PIP5K1C: variants seen among roughly 807,000 people sequenced by gnomAD.
PIP5K1C encodes the protein phosphatidylinositol-4-phosphate 5-kinase type 1 gamma, also known as phosphatidylinositol 4-phosphate 5-kinase type-1 gamma.
A neutral mutation model predicts 80.1 loss-of-function variants in PIP5K1C; 45 were observed. The ratio of observed to expected loss-of-function variants is 0.56; its 90% CI spans 0.44 to 0.72. The LOEUF (loss-of-function observed/expected upper bound fraction) is 0.72, where lower values mean the gene tolerates loss of function less well. PIP5K1C is among the 30% of genes least tolerant of loss of function. The pLI is 0.00. For missense variants in PIP5K1C, 753 were observed against 954.6 expected (o/e 0.79, Z 2.78); for synonymous variants, 498 against 420.1 (o/e 1.19, Z -2.27).
chr19:3,640,723 G>T (rs2033926632), intron 15 of PIP5K1C, among the ~76,000 whole-genome samples: 1 of 150,782 alleles, frequency 6.6e-6, no homozygotes, highest in South Asian at 2.1e-4. Flanking sequence ...GTCTTGCTCT[G>T]TCGCTTAGGA....
At chr19:3,638,057 A>G in intron 16 of PIP5K1C, 4 of 1,464,462 alleles carry the variant, frequency 2.7e-6, no homozygotes, top group Non-Finnish European at 3.6e-6. Flanking sequence ...AGGTGCCCCC[A>G]CAACAGGCCC....
chr19:3,679,342 G>A (rs999682943), intron 1 of PIP5K1C, among the ~76,000 whole-genome samples: 13 of 152,152 alleles, frequency 8.5e-5, no homozygotes, highest in Admixed American at 8.5e-4. Flanking sequence ...GGGGCCTTGC[G>A]CGTGCTGCGC....
At chr19:3,679,823 G>A (rs961908965) in intron 1 of PIP5K1C, among the ~76,000 whole-genome samples, 6 of 152,256 alleles carry the variant, frequency 3.9e-5, no homozygotes, top group African/African-American at 1.4e-4. Context: ...GTGGCTTGAC[G>A]TGCTGCGCTG....
At chr19:3,634,395 T>C (rs964546901) in intron 16 of PIP5K1C, among the ~76,000 whole-genome samples, 31 of 151,702 alleles carry the variant, frequency 2.0e-4, no homozygotes, top group African/African-American at 7.5e-4. Flanking sequence ...CTCCTCTCTC[T>C]CGGGCCTCTG....
chr19:3,667,653 C>T (rs1363513124), intron 1 of PIP5K1C, among the ~76,000 whole-genome samples: 2 of 152,190 alleles, frequency 1.3e-5, no homozygotes, highest in Admixed American at 6.5e-5. Context: ...GGCTTGGCAC[C>T]CACCACGGAG....
chr19:3,686,445 G>A (rs943958705), intron 1 of PIP5K1C, among the ~76,000 whole-genome samples: 2 of 151,334 alleles, frequency 1.3e-5, no homozygotes, highest in Admixed American at 1.3e-4. Context: ...AAGGCTGGGT[G>A]CAGTGGCTCA....
At chr19:3,676,071 T>C (rs543776178) in intron 1 of PIP5K1C, among the ~76,000 whole-genome samples, 3 of 152,220 alleles carry the variant, frequency 2.0e-5, no homozygotes, top group Non-Finnish European at 4.4e-5. Flanking sequence ...ACGGCTTCAT[T>C]TGACACATGG....
At chr19:3,653,612 C>A (rs563779429) in intron 6 of PIP5K1C, 23 bp from the exon 7 acceptor site, 2 of 1,594,782 alleles carry the variant, frequency 1.3e-6, no homozygotes, top group Non-Finnish European at 1.7e-6. Flanking sequence ...GAGGGCAAGT[C>A]GTGGAGGGCG....
At chr19:3,641,276 T>TA (rs200466191) in intron 15 of PIP5K1C, among the ~76,000 whole-genome samples, 9 of 151,232 alleles carry the variant, frequency 6.0e-5, no homozygotes, top group Non-Finnish European at 7.4e-5. Flanking sequence ...CTAAAAAGGT[T>TA]AAAAAAAAAT....
chr19:3,663,071 G>A (rs1341032328), intron 3 of PIP5K1C, among the ~76,000 whole-genome samples: 1 of 152,116 alleles, frequency 6.6e-6, no homozygotes, highest in African/African-American at 2.4e-5. Flanking sequence ...GCGCCATGTT[G>A]CCCAGGCTGG....
intron 1 of PIP5K1C, among the ~76,000 whole-genome samples, chr19:3,689,841 T>TC (rs915927604): frequency 1.6e-4 from 24 of 149,552 alleles, no homozygotes; most frequent in African/African-American, 4.2e-4. Flanking sequence ...TAACGTACAC[T>TC]CCCCCCCCAC....
chr19:3,659,254 G>T (rs2034747984), intron 5 of PIP5K1C, among the ~76,000 whole-genome samples: 2 of 152,238 alleles, frequency 1.3e-5, no homozygotes, highest in African/African-American at 4.8e-5. Context: ...AGCCTGGACA[G>T]AGGCTAGGGG....
At chr19:3,670,920 C>T (rs938577571) in intron 1 of PIP5K1C, among the ~76,000 whole-genome samples, 1 of 152,224 alleles carries the variant, frequency 6.6e-6, no homozygotes, top group East Asian at 1.9e-4. Context: ...CAGGGCCAGT[C>T]GCCCCCAGGT....
intron 7 of PIP5K1C, among the ~76,000 whole-genome samples, chr19:3,652,446 G>C (rs996450968): frequency 1.3e-5 from 2 of 152,228 alleles, no homozygotes; most frequent in African/African-American, 2.4e-5. Flanking sequence ...GAGTGGTCTG[G>C]GCGGTTTTCT....
At chr19:3,691,344 G>A (rs2035943519) in intron 1 of PIP5K1C, among the ~76,000 whole-genome samples, 1 of 152,190 alleles carries the variant, frequency 6.6e-6, no homozygotes, top group Non-Finnish European at 1.5e-5. Context: ...CGCTAATCTG[G>A]GGATGACGGC....
In PIP5K1C at chr19:3,637,010, C is replaced by T. The variant is rs770631391; in HGVS notation, c.1920+1874G>A. On this transcript the variant is annotated intron_variant, in intron 16 of 17. Coordinates refer to ENST00000335312, the MANE Select transcript of PIP5K1C (RefSeq NM_012398.3). The surrounding 1 kb of genome is among the most constrained non-coding windows in gnomAD (Gnocchi z 7.0). ...TGGTCTCCCAGGCTCCCAGGGGAGC[C>T]GAGGCCTCAGCGCCTCCATCTGTGA... 10 of 1,046,576 alleles carry T rather than the reference C, an allele frequency of 9.6e-6. No homozygotes were observed. Among genetic ancestry groups the T allele is most frequent in the East Asian group, 1.8e-4 (2 of 10,958 alleles). 64.8% of individuals were successfully genotyped at this position (1,046,576 alleles called of 1,614,324 possible). A position where few individuals can be genotyped will look rare whatever the true frequency, so the allele number is the denominator to read the frequency against.
chr19:3,676,770 C>T (rs1344084334), intron 1 of PIP5K1C, among the ~76,000 whole-genome samples: 1 of 152,248 alleles, frequency 6.6e-6, no homozygotes, highest in South Asian at 2.1e-4. Flanking sequence ...CCCCAAAATA[C>T]TACCAAGAAA....
chr19:3,678,245 T>TGGA (rs1404823093), intron 1 of PIP5K1C, among the ~76,000 whole-genome samples: 1 of 51,870 alleles, frequency 1.9e-5, no homozygotes, highest in Non-Finnish European at 3.6e-5. Context: ...GATGGAGGAA[T>TGGA]GGAGAATGGA....
intron 1 of PIP5K1C, among the ~76,000 whole-genome samples, chr19:3,684,182 G>A (rs1056246586): frequency 1.3e-5 from 2 of 152,140 alleles, no homozygotes; most frequent in African/African-American, 2.4e-5. Context: ...AGAGCCTCCC[G>A]CTCACAGCGC....
Sources: gnomAD v4.1 joint callset for allele counts (sites outside exome capture counted in the v4.1 genomes callset) on GRCh38, gnomAD v4.1.1 for gene constraint, Gnocchi (gnomAD v3.1) non-coding constraint, MANE v1.5 for transcripts, NCBI Gene and HGNC (gene_info 2026-07-23, HGNC 2026-07-21) for gene names.